The following SCHIP1 variants were observed in gnomAD, a reference collection of about 807,000 sequenced individuals.
SCHIP1 encodes schwannomin interacting protein 1, also known as schwannomin-interacting protein 1.
In SCHIP1, 8 loss-of-function variants were observed where a neutral mutation model predicts 29.7. The observed-to-expected ratio is 0.27, with a 90% CI of 0.16 to 0.49. The LOEUF (loss-of-function observed/expected upper bound fraction) is 0.49. Ranked by LOEUF, SCHIP1 falls within the 20% of genes least tolerant of loss-of-function variation. The pLI is 0.99. For synonymous variants in SCHIP1, 76 were observed against 94.9 expected (o/e 0.80, Z 1.16); for missense variants, 193 against 294.6 (o/e 0.66, Z 2.52).
chr3:159,483,451 T>C, the SCHIP1 span, among the ~76,000 whole-genome samples: 21 of 152,304 alleles, frequency 1.4e-4, no homozygotes, highest in South Asian at 4.3e-3. Flanking sequence ...CAGATGCTTA[T>C]TACATGCTTT....
At chr3:159,288,620 C>A in the SCHIP1 span, among the ~76,000 whole-genome samples, 2 of 152,146 alleles carry the variant, frequency 1.3e-5, no homozygotes, top group Non-Finnish European at 2.9e-5. Flanking sequence ...GCCTATAATC[C>A]CAGCTACTCA....
the SCHIP1 span, among the ~76,000 whole-genome samples, chr3:159,291,902 A>G: frequency 2.6e-5 from 4 of 152,190 alleles, no homozygotes; most frequent in African/African-American, 9.6e-5. Flanking sequence ...TAAAAAAAGA[A>G]GAAAGAGGAA....
the SCHIP1 span, among the ~76,000 whole-genome samples, chr3:159,456,398 C>CTTTGG: frequency 1.3e-5 from 2 of 152,116 alleles, no homozygotes; most frequent in Non-Finnish European, 2.9e-5. Context: ...AGCTTTCATA[C>CTTTGG]TTTGGTTTGG....
At chr3:159,496,580 G>A in the SCHIP1 span, among the ~76,000 whole-genome samples, 1 of 152,148 alleles carries the variant, frequency 6.6e-6, no homozygotes, top group Non-Finnish European at 1.5e-5. Context: ...AGTTAGAATG[G>A]CAATCATTAA....
chr3:159,413,003 A>AACTT, the SCHIP1 span, among the ~76,000 whole-genome samples: 2 of 152,186 alleles, frequency 1.3e-5, no homozygotes, highest in African/African-American at 4.8e-5. Flanking sequence ...GGCCTCAGGA[A>AACTT]ACTTACGATC....
chr3:159,865,523 G>A (rs922114608), intron 1 of SCHIP1, among the ~76,000 whole-genome samples: 2 of 152,122 alleles, frequency 1.3e-5, no homozygotes, highest in African/African-American at 2.4e-5. Flanking sequence ...CAGCTATTCC[G>A]GACATTATTG....
At chr3:159,778,226 C>T in the SCHIP1 span, among the ~76,000 whole-genome samples, 1 of 152,062 alleles carries the variant, frequency 6.6e-6, no homozygotes, top group Non-Finnish European at 1.5e-5. Context: ...ATCTCCTGAC[C>T]TCATGATCCA....
chr3:159,609,629 G>A, the SCHIP1 span, among the ~76,000 whole-genome samples: 2 of 152,058 alleles, frequency 1.3e-5, no homozygotes, highest in Non-Finnish European at 2.9e-5. Context: ...AGCCTGATAT[G>A]AGTTCCTCCA....
chr3:159,688,439 G>C, the SCHIP1 span, among the ~76,000 whole-genome samples: 1 of 152,108 alleles, frequency 6.6e-6, no homozygotes, highest in African/African-American at 2.4e-5. Flanking sequence ...CCGACTTTTT[G>C]ATGGAGTTGT....
chr3:159,400,230 G>A, the SCHIP1 span, among the ~76,000 whole-genome samples: 2 of 152,196 alleles, frequency 1.3e-5, no homozygotes, highest in East Asian at 1.9e-4. Context: ...AGACAATTAA[G>A]TGCCAGAAGC....
the SCHIP1 span, among the ~76,000 whole-genome samples, chr3:159,710,805 A>G: frequency 6.6e-6 from 1 of 152,194 alleles, no homozygotes; most frequent in African/African-American, 2.4e-5. Context: ...AATCTGCTAA[A>G]GAGAAAAACA....
At chr3:159,681,587 C>A in the SCHIP1 span, among the ~76,000 whole-genome samples, 2 of 152,172 alleles carry the variant, frequency 1.3e-5, no homozygotes, top group Admixed American at 1.3e-4. Context: ...ACCCATATTA[C>A]CTTAGCATTT....
the SCHIP1 span, among the ~76,000 whole-genome samples, chr3:159,548,212 C>T: frequency 5.9e-5 from 9 of 152,008 alleles, no homozygotes; most frequent in African/African-American, 1.7e-4. Context: ...TTAGAGAAGC[C>T]ATTTTAGCCT....
chr3:159,796,317 C>T, the SCHIP1 span, among the ~76,000 whole-genome samples: 2 of 151,688 alleles, frequency 1.3e-5, no homozygotes, highest in Admixed American at 6.6e-5. Context: ...CCATATAAAG[C>T]ACGTTGAATC....
chr3:159,459,754 T>C, the SCHIP1 span, among the ~76,000 whole-genome samples: 1 of 152,048 alleles, frequency 6.6e-6, no homozygotes, highest in South Asian at 2.1e-4. Flanking sequence ...TCTTTGAAAA[T>C]GTTATTGAGT....
chr3:159,568,277 C>T, the SCHIP1 span, among the ~76,000 whole-genome samples: 8 of 152,100 alleles, frequency 5.3e-5, no homozygotes, highest in East Asian at 9.6e-4. Flanking sequence ...GATGCATAAA[C>T]ATTATATTTC....
the SCHIP1 span, among the ~76,000 whole-genome samples, chr3:159,579,563 C>T: frequency 1.3e-5 from 2 of 152,260 alleles, no homozygotes; most frequent in East Asian, 3.9e-4. Context: ...TGGCAGATGG[C>T]CCAGATAGGA....
the SCHIP1 span, among the ~76,000 whole-genome samples, chr3:159,660,778 T>A: frequency 6.6e-6 from 1 of 152,122 alleles, no homozygotes; most frequent in Non-Finnish European, 1.5e-5. Context: ...CTTGAGTCAA[T>A]CCGTAAATTA....
chr3:159,289,245 C>T, the SCHIP1 span, among the ~76,000 whole-genome samples: 114 of 152,262 alleles, frequency 7.5e-4, no homozygotes, highest in South Asian at 2.1e-3. Context: ...ACTTAAACTG[C>T]ATTAATATTA....
Sources: gnomAD v4.1 joint callset for allele counts (sites outside exome capture counted in the v4.1 genomes callset) on GRCh38, gnomAD v4.1.1 for gene constraint, MANE v1.5 for transcripts, NCBI Gene and HGNC (gene_info 2026-07-23, HGNC 2026-07-21) for gene names.